The following DNAH8 variants were observed in gnomAD, a reference collection of about 807,000 sequenced individuals.
DNAH8 encodes dynein axonemal heavy chain 8.
Under a neutral mutation model 562.1 loss-of-function variants are expected in DNAH8, and 382 were observed. That is an observed-to-expected ratio of 0.68 (90% CI 0.63 to 0.74). DNAH8 has a LOEUF of 0.74. DNAH8 is among the 30% of genes least tolerant of loss of function. The pLI, the probability that DNAH8 is intolerant of heterozygous loss-of-function variation, is 0.00. For missense variants in DNAH8, 5,203 were observed against 5,620.4 expected (o/e 0.93, Z 2.37); for synonymous variants, 1,881 against 1,919.4 (o/e 0.98, Z 0.52).
intron 91 of DNAH8, among the ~76,000 whole-genome samples, chr6:39,025,456 C>T (rs985482273): frequency 2.7e-4 from 41 of 152,200 alleles, no homozygotes; most frequent in African/African-American, 8.2e-4. Context: ...CAAGGTTTGA[C>T]AGAGCAATGA....
chr6:39,030,156 CG>C lies in DNAH8; in HGVS notation c.13890del (p.Asn4631MetfsTer48). ...LYMDGAAWDR[R>X]NGKLMESTPK... ...CATGGATGGAGCAGCCTGGGACAGACGGAATGGGAAGCTCATGGAATCCACC... is the reference window on the plus strand; with the variant it reads ...CATGGATGGAGCAGCCTGGGACAGACGAATGGGAAGCTCATGGAATCCACC... On this transcript the variant is annotated frameshift_variant, in exon 93 of 93. Coordinates refer to ENST00000327475, the MANE Select transcript of DNAH8 (RefSeq NM_001206927.2). LOFTEE classifies it high-confidence loss of function. 6.2e-7 allele frequency: 1 copy of C among 1,613,954 alleles called. No individual in the cohort carries two copies. The highest frequency in any genetic ancestry group is 2.2e-5 in the East Asian group (1 of 44,872).
intron 13 of DNAH8, among the ~76,000 whole-genome samples, chr6:38,776,470 G>A (rs1768090622): frequency 6.6e-6 from 1 of 152,060 alleles, no homozygotes; most frequent in Non-Finnish European, 1.5e-5. Flanking sequence ...CACCCACCTC[G>A]GCCTCCCAAA....
intron 91 of DNAH8, among the ~76,000 whole-genome samples, chr6:39,020,229 G>A (rs1383771647): frequency 6.6e-6 from 1 of 152,226 alleles, no homozygotes; most frequent in Non-Finnish European, 1.5e-5. Flanking sequence ...GAGAAGGTGT[G>A]TGTCTCAAGG....
intron 20 of DNAH8, 128 bp downstream of exon 20, chr6:38,790,533 TCATGTTTTGGGCTGGGCA>T: frequency 2.0e-6 from 1 of 505,312 alleles, no homozygotes; most frequent in Non-Finnish European, 3.4e-6. Flanking sequence ...GTTTAAAATA[TCATGTTTTGGGCTGGGCA>T]CAGTGGCTCA....
At chr6:38,765,197 T>C (rs1311466496) in intron 11 of DNAH8, among the ~76,000 whole-genome samples, 1 of 152,192 alleles carries the variant, frequency 6.6e-6, no homozygotes, top group African/African-American at 2.4e-5. Flanking sequence ...TTGAGTTCCT[T>C]ATATATTTTG....
At chr6:38,926,709 C>T (rs1464201053) in intron 74 of DNAH8, among the ~76,000 whole-genome samples, 1 of 152,152 alleles carries the variant, frequency 6.6e-6, no homozygotes, top group Non-Finnish European at 1.5e-5. Context: ...AATTCAACTA[C>T]CAATGTGGGA....
intron 53 of DNAH8, among the ~76,000 whole-genome samples, chr6:38,880,080 T>TA (rs577665846): frequency 6.8e-4 from 102 of 150,210 alleles, no homozygotes; most frequent in South Asian, 3.4e-3. Context: ...CCGTATCTAC[T>TA]AAAAAAAAAC....
At chr6:39,010,802 C>CGT (rs1491324014) in intron 89 of DNAH8, among the ~76,000 whole-genome samples, 28 of 87,348 alleles carry the variant, frequency 3.2e-4, no homozygotes, top group Admixed American at 2.2e-3. Flanking sequence ...CACGTGTACG[C>CGT]ACACACACAC....
At chr6:39,019,834 A>T (rs1165455954) in intron 91 of DNAH8, among the ~76,000 whole-genome samples, 1 of 152,104 alleles carries the variant, frequency 6.6e-6, no homozygotes, top group Non-Finnish European at 1.5e-5. Flanking sequence ...CAATGAGAGG[A>T]GGGACATGTG....
intron 6 of DNAH8, 78 bp from the exon 7 acceptor site, chr6:38,737,728 ATAT>A: frequency 1.6e-6 from 1 of 614,512 alleles, no homozygotes; most frequent in Non-Finnish European, 2.2e-6. Flanking sequence ...TTACTATTAA[ATAT>A]TATTTAATAT....
intron 64 of DNAH8, 31 bp downstream of exon 64, chr6:38,908,151 A>G: frequency 7.3e-7 from 1 of 1,366,056 alleles, no homozygotes; most frequent in Non-Finnish European, 9.8e-7. Context: ...ATATCTACGT[A>G]GAAAGAGTTC....
chr6:38,890,401 T>C (rs886411211), intron 57 of DNAH8, among the ~76,000 whole-genome samples: 1 of 152,158 alleles, frequency 6.6e-6, no homozygotes, highest in East Asian at 1.9e-4. Context: ...GTAATAATAA[T>C]ACCTACCTTG....
chr6:38,867,802 A>G (rs1382987261), intron 47 of DNAH8, among the ~76,000 whole-genome samples: 2 of 151,564 alleles, frequency 1.3e-5, no homozygotes, highest in Non-Finnish European at 2.9e-5. Context: ...TGTTGCTCAG[A>G]CTGTATCAGA....
chr6:38,827,631 G>C (rs141432208), intron 29 of DNAH8, among the ~76,000 whole-genome samples: 2 of 148,792 alleles, frequency 1.3e-5, no homozygotes, highest in Admixed American at 1.3e-4. Context: ...TAAAAAAATC[G>C]TGGTATTTGG....
intron 39 of DNAH8, 40 bp downstream of exon 39, chr6:38,851,714 C>G (rs79589395): frequency 8.0e-7 from 1 of 1,243,082 alleles, no homozygotes. Context: ...GCTTTTCCCA[C>G]GACATACACA....
At chr6:38,894,084 T>G (rs1331362817) in intron 58 of DNAH8, among the ~76,000 whole-genome samples, 1 of 152,182 alleles carries the variant, frequency 6.6e-6, no homozygotes, top group Admixed American at 6.5e-5. Context: ...TCTATTACTA[T>G]ACGTATAGCT....
intron 8 of DNAH8, 25 bp from the exon 9 acceptor site, chr6:38,750,451 G>C: frequency 6.6e-7 from 1 of 1,522,946 alleles, no homozygotes; most frequent in Non-Finnish European, 9.1e-7. Context: ...ATGTTTCATA[G>C]AATTCTTATA....
intron 29 of DNAH8, 88 bp from the exon 30 acceptor site, chr6:38,828,096 A>G (rs904348016): frequency 1.1e-5 from 9 of 826,954 alleles, no homozygotes; most frequent in African/African-American, 3.5e-5. Context: ...TTCTTCTAAG[A>G]CATAGGAATG....
At chr6:38,774,853 G>A (rs529378226) in intron 12 of DNAH8, among the ~76,000 whole-genome samples, 1 of 152,328 alleles carries the variant, frequency 6.6e-6, no homozygotes, top group African/African-American at 2.4e-5. Flanking sequence ...CCAGTGGCCT[G>A]TATTTCCTCC....
Sources: gnomAD v4.1 joint callset for allele counts (sites outside exome capture counted in the v4.1 genomes callset) on GRCh38, gnomAD v4.1.1 for gene constraint, MANE v1.5 for transcripts, NCBI Gene and HGNC (gene_info 2026-07-23, HGNC 2026-07-21) for gene names.